Variants in ATP8A1 observed in about 807,000 individuals in gnomAD.
The protein encoded by ATP8A1 is ATPase phospholipid transporting 8A1, also known as phospholipid-transporting ATPase IA.
ATP8A1 carries 90 observed loss-of-function variants against 177.7 expected under a neutral mutation model. The observed-to-expected ratio is 0.51, with a 90% CI of 0.43 to 0.60. ATP8A1 has a LOEUF of 0.60. Among genes scored for constraint, ATP8A1 ranks in the 20% least tolerant of loss-of-function variants. ATP8A1 has a pLI of 0.00. For missense variants in ATP8A1, 1,072 were observed against 1,392.8 expected (o/e 0.77, Z 3.67); for synonymous variants, 493 against 485.9 (o/e 1.01, Z -0.19).
At chr4:42,622,762 C>T (rs1737612076) in intron 4 of ATP8A1, among the ~76,000 whole-genome samples, 3 of 152,158 alleles carry the variant, frequency 2.0e-5, no homozygotes, top group Admixed American at 2.0e-4. Context: ...GTAATCCCAG[C>T]ACTTTGGGAG....
intron 15 of ATP8A1, chr4:42,561,864 C>T (rs1305001642): frequency 6.6e-6 from 1 of 152,346 alleles, no homozygotes; most frequent in African/African-American, 2.4e-5. Flanking sequence ...ATTCATGAGG[C>T]TTTCCTGTGC....
chr4:42,488,737 C>T (rs987656961), intron 24 of ATP8A1, among the ~76,000 whole-genome samples: 6 of 152,094 alleles, frequency 3.9e-5, no homozygotes, highest in African/African-American at 1.2e-4. Context: ...CTGGAATGTC[C>T]TCCTCTCCAG....
chr4:42,461,328 A>C (rs1301933602), intron 27 of ATP8A1, among the ~76,000 whole-genome samples: 2 of 144,926 alleles, frequency 1.4e-5, no homozygotes, highest in South Asian at 2.2e-4. Flanking sequence ...CTGTGTCCCC[A>C]GCCAAATCTC....
rs753411468 is a variant in ATP8A1 at position 42,465,003 on chromosome 4, C to A, written c.2398G>T (p.Gly800Cys). Residue 800 changes from glycine to cysteine, a missense_variant, in exon 26 of 37, where the codon GGT (glycine) becomes TGT (cysteine). Around this residue, in one of 5 missense-constraint regions of ATP8A1, gnomAD observed 316 missense variants for 459.1 expected, o/e 0.69. Transcript: ENST00000381668. Reference sequence around the variant, plus strand: ...ATGCTGACATCATTTGCTCCATCACCGATTGCAAGCGTTACGACTTTGACT... The same window carrying A: ...ATGCTGACATCATTTGCTCCATCACAGATTGCAAGCGTTACGACTTTGACT... ...KQVKVVTLAI[G>C]DGANDVSMIQ... 1 of 1,614,068 alleles carries A rather than the reference C, an allele frequency of 6.2e-7. No individual in the cohort carries two copies. Among genetic ancestry groups the A allele is most frequent in the Non-Finnish European group, 8.5e-7 (1 of 1,180,034 alleles).
chr4:42,637,089 C>A, intron 1 of ATP8A1: 2 of 515,496 alleles, frequency 3.9e-6, no homozygotes, highest in South Asian at 1.4e-5. Flanking sequence ...GGCAGTGATG[C>A]CCTACCCAGA....
chr4:42,448,790 T>C (rs1475733171), intron 30 of ATP8A1, among the ~76,000 whole-genome samples: 4 of 151,586 alleles, frequency 2.6e-5, no homozygotes, highest in Non-Finnish European at 4.4e-5. Context: ...TTCTGTACTT[T>C]ATTGCATTAA....
chr4:42,549,456 G>A (rs1309794912), intron 18 of ATP8A1, among the ~76,000 whole-genome samples: 1 of 151,806 alleles, frequency 6.6e-6, no homozygotes, highest in African/African-American at 2.4e-5. Context: ...AAAAAGGGAA[G>A]CAATGAAACA....
rs180884157 is a variant in ATP8A1 at position 42,612,873 on chromosome 4, A to C, written c.409+3160T>G. Among the ~76,000 whole-genome samples the C allele has an allele frequency of 2.6e-5, 4 of 152,298 alleles. No individual in the cohort carries two copies. The East Asian group carries it at 7.7e-4, about 29-fold the overall frequency. Reference sequence around the variant, plus strand: ...GTGTTACCCTCTGATGCCTCACATAAGGAGAGAAAATATTCATTCCTCTGT... The same window carrying C: ...GTGTTACCCTCTGATGCCTCACATACGGAGAGAAAATATTCATTCCTCTGT... On this transcript the variant is annotated intron_variant, in intron 5 of 36. Transcript: ENST00000381668.
intron 14 of ATP8A1, 93 bp downstream of exon 14, chr4:42,574,526 C>A: frequency 2.0e-6 from 2 of 992,834 alleles, no homozygotes; most frequent in Admixed American, 2.6e-5. Context: ...CAAACAACCC[C>A]ATACCCTCCC....
chr4:42,539,907 A>AG (rs1728216464), intron 20 of ATP8A1, among the ~76,000 whole-genome samples: 1 of 152,190 alleles, frequency 6.6e-6, no homozygotes, highest in East Asian at 1.9e-4. Flanking sequence ...TTTATGACCA[A>AG]GATCTTGAAA....
intron 27 of ATP8A1, among the ~76,000 whole-genome samples, chr4:42,460,194 CATA>C (rs1312721769): frequency 1.3e-5 from 2 of 152,080 alleles, no homozygotes; most frequent in Non-Finnish European, 2.9e-5. Flanking sequence ...TAGCCTGACT[CATA>C]ATAAGAACTA....
chr4:42,621,442 G>A (rs17448318), intron 4 of ATP8A1, among the ~76,000 whole-genome samples: 34,346 of 152,112 alleles, frequency 0.23, 4,352 homozygotes, highest in Non-Finnish European at 0.29. Context: ...CTTTCCTAAG[G>A]ATTAACAGAT....
chr4:42,426,502 C>A (rs776718044), intron 33 of ATP8A1, among the ~76,000 whole-genome samples: 1 of 152,144 alleles, frequency 6.6e-6, no homozygotes, highest in Non-Finnish European at 1.5e-5. Context: ...CTGGCACGGC[C>A]CTTCCCAGCT....
chr4:42,475,366 A>T (rs1453938636), intron 25 of ATP8A1, among the ~76,000 whole-genome samples: 1 of 152,048 alleles, frequency 6.6e-6, no homozygotes, highest in Non-Finnish European at 1.5e-5. Flanking sequence ...CTCAGGCTGG[A>T]CAGACACAGC....
intron 24 of ATP8A1, among the ~76,000 whole-genome samples, chr4:42,487,306 CT>C (rs1450811484): frequency 1.3e-5 from 2 of 152,118 alleles, no homozygotes; most frequent in African/African-American, 4.8e-5. Context: ...TTTCCCAGCT[CT>C]TCAAAGGGAT....
At chr4:42,518,249 T>C (rs929651665) in intron 22 of ATP8A1, among the ~76,000 whole-genome samples, 3 of 152,220 alleles carry the variant, frequency 2.0e-5, no homozygotes, top group African/African-American at 7.2e-5. Flanking sequence ...TAGGAAAAAC[T>C]TTACAAATCT....
chr4:42,471,437 T>C (rs893405737), intron 25 of ATP8A1, among the ~76,000 whole-genome samples: 2 of 152,252 alleles, frequency 1.3e-5, no homozygotes, highest in East Asian at 3.8e-4. Context: ...GCATTTTAGA[T>C]ATAAAACCTC....
At position 42,444,535 on chromosome 4, in the gene ATP8A1, A is replaced by T. The variant is rs749577888; in HGVS notation, c.3015+43T>A. The stretch of plus-strand genomic sequence containing the variant: ...CCACCAAGACTGGAGATAATGCACA[A>T]GTAAATGTGACATTTCTTGGTTGTG... On this transcript the variant is annotated intron_variant, in intron 32 of 36. Coordinates refer to ENST00000381668, the MANE Select transcript of ATP8A1 (RefSeq NM_006095.2). 3 of 1,571,414 alleles carry T rather than the reference A, an allele frequency of 1.9e-6. No individual in the cohort carries two copies. In the Admixed American group the frequency reaches 5.0e-5, roughly 26 times the overall value.
chr4:42,551,256 G>T lies in ATP8A1; in HGVS notation c.1544C>A (p.Ala515Asp). The change falls in exon 18 of 37, where the codon GCC (alanine) becomes GAC (aspartate). Residue 515 changes from alanine to aspartate, a missense_variant. Physicochemically the swap from Ala to Asp is moderately radical, Grantham distance 126 (BLOSUM62 -2). This residue lies in a region of ATP8A1 where 388 missense variants were observed against 471.7 expected (regional missense o/e 0.82). Coordinates refer to ENST00000381668, the MANE Select transcript of ATP8A1 (RefSeq NM_006095.2). ...SPDEGALVRA[A>D]KQLNFVFTGR... ...AGTGAAAACAAAATTCAATTGCTTGGCTGCTCTGACCAATGCTCCCTCATC... is the reference window on the plus strand; with the variant it reads ...AGTGAAAACAAAATTCAATTGCTTGTCTGCTCTGACCAATGCTCCCTCATC... 6.2e-7 allele frequency: 1 copy of T among 1,613,678 alleles called. No individual in the cohort carries two copies. The highest frequency in any genetic ancestry group is 8.5e-7 in the Non-Finnish European group (1 of 1,179,816).
Sources: gnomAD v4.1 joint callset for allele counts (sites outside exome capture counted in the v4.1 genomes callset) on GRCh38, gnomAD v4.1.1 for gene constraint, gnomAD v4.1.1 regional missense constraint, MANE v1.5 for transcripts, NCBI Gene and HGNC (gene_info 2026-07-23, HGNC 2026-07-21) for gene names.